RAD51B: variants seen among roughly 807,000 people sequenced by gnomAD.
The protein encoded by RAD51B is RAD51 paralog B, also known as DNA repair protein RAD51 homolog 2.
A neutral mutation model predicts 42.2 loss-of-function variants in RAD51B; 38 were observed. That is an observed-to-expected ratio of 0.90 (90% CI 0.70 to 1.18). The LOEUF is 1.18. Among genes scored for constraint, RAD51B ranks in the 50% most tolerant of loss-of-function variants. The probability of loss-of-function intolerance (pLI) is 0.00; values close to 1 mark genes in which losing one functional copy is unlikely to be tolerated. For missense variants in RAD51B, 373 were observed against 400.7 expected, an observed-to-expected ratio of 0.93 and a Z score of 0.59; for synonymous variants, 154 against 145.2, an observed-to-expected ratio of 1.06 and a Z score of -0.43.
chr14:68,027,255 C>T (rs1185136223), intron 7 of RAD51B, among the ~76,000 whole-genome samples: 4 of 152,106 alleles, frequency 2.6e-5, no homozygotes, highest in Non-Finnish European at 5.9e-5. Context: ...TGACCCTTCT[C>T]TCTAGCTGCC....
chr14:68,275,794 CCACACACACACACA>C (rs10641411), intron 7 of RAD51B, among the ~76,000 whole-genome samples: 123 of 141,362 alleles, frequency 8.7e-4, no homozygotes, highest in Non-Finnish European at 1.0e-3. Context: ...AACTAGCTCT[CCACACACACACACA>C]CACACACACA....
At chr14:68,594,789 A>G in exon 11 of RAD51B, 1 of 1,241,654 alleles carries the variant, frequency 8.1e-7, no homozygotes, top group Non-Finnish European at 1.0e-6. Flanking sequence ...TAGGGCCACA[A>G]GAATGAGAAA....
chr14:67,831,241 A>G (rs1291701040), intron 3 of RAD51B, among the ~76,000 whole-genome samples: 1 of 152,178 alleles, frequency 6.6e-6, no homozygotes, highest in East Asian at 1.9e-4. Context: ...AGTTAAATAT[A>G]TGGACCTGGA....
At chr14:68,536,926 A>G (rs1279952777) in intron 10 of RAD51B, among the ~76,000 whole-genome samples, 1 of 151,094 alleles carries the variant, frequency 6.6e-6, no homozygotes, top group Admixed American at 6.6e-5. Flanking sequence ...AAAAAAATTG[A>G]AAAAATTAGC....
rs922834933 is a variant in RAD51B, at chr14:67,910,392, C to T, written c.756+23188C>T. Among the ~76,000 whole-genome samples the T allele has an allele frequency of 6.5e-5, 3 of 45,982 alleles. 1 individual carries two copies. The highest frequency in any genetic ancestry group is 9.7e-5 in the Non-Finnish European group (3 of 30,956). 30.2% of individuals were successfully genotyped at this position (45,982 alleles called of 152,430 possible). On this transcript the variant is annotated intron_variant, in intron 7 of 10. Transcript: ENST00000471583. ...CTGCACTCCAGCCTGGGCGACAGAGCGAGACTCTGTCTCAAAAAAAAAAAA... is the reference window on the plus strand; with the variant it reads ...CTGCACTCCAGCCTGGGCGACAGAGTGAGACTCTGTCTCAAAAAAAAAAAA...
chr14:68,205,023 A>C lies in RAD51B; in HGVS notation c.757-86861A>C, dbSNP rs114937421. Among the ~76,000 whole-genome samples, 1,349 of 152,342 alleles carry C rather than the reference A, an allele frequency of 8.9e-3. 26 individuals are homozygous for C. The highest frequency in any genetic ancestry group is 0.031 in the African/African-American group (1,299 of 41,582). ...ACTTATGACAATAAAAAAATCAGAC[A>C]GGATACATAATGAGTTGTTAGCAGT... is the stretch of plus-strand genomic sequence containing the variant. On this transcript the variant is annotated intron_variant, in intron 7 of 10. Transcript: ENST00000471583.
intron 7 of RAD51B, among the ~76,000 whole-genome samples, chr14:67,901,660 A>G (rs926191790): frequency 6.6e-6 from 1 of 152,222 alleles, no homozygotes; most frequent in African/African-American, 2.4e-5. Context: ...AGTAACAAAG[A>G]TATGGAATCA....
At chr14:68,634,466 G>A (rs1427559857) in intron 10 of RAD51B, among the ~76,000 whole-genome samples, 2 of 152,100 alleles carry the variant, frequency 1.3e-5, no homozygotes, top group African/African-American at 2.4e-5. Flanking sequence ...AGGAGAGAAC[G>A]TGCTCAAAAG....
chr14:68,102,791 A>T (rs1021571038), intron 7 of RAD51B, among the ~76,000 whole-genome samples: 1 of 151,714 alleles, frequency 6.6e-6, no homozygotes, highest in Non-Finnish European at 1.5e-5. Context: ...ACCCCACTCT[A>T]CTGGTACCAG....
rs556156256 is a variant in RAD51B at position 68,648,095 on chromosome 14, A to G, written c.1037-2686A>G. Among the ~76,000 whole-genome samples, 108 of 29,008 alleles carry G rather than the reference A, an allele frequency of 3.7e-3. 3 individuals carry two copies. The highest frequency in any genetic ancestry group is 0.012 in the African/African-American group (103 of 8,614). The allele number at this position is 29,008 out of a possible 152,430, so 19.0% of individuals were successfully genotyped here. On this transcript the variant is annotated intron_variant, in intron 10 of 11. Coordinates refer to the RAD51B transcript ENST00000488612. ...TATACACGTATATATACGTGTGTGTATATATATATACACACACGTATATAT... is the reference window on the plus strand; with the variant it reads ...TATACACGTATATATACGTGTGTGTGTATATATATACACACACGTATATAT...
chr14:68,041,353 C>G (rs80079314), intron 7 of RAD51B, among the ~76,000 whole-genome samples: 6 of 152,132 alleles, frequency 3.9e-5, no homozygotes, highest in African/African-American at 1.4e-4. Context: ...CTAATACAGT[C>G]TCCTTGTCTC....
intron 7 of RAD51B, among the ~76,000 whole-genome samples, chr14:68,251,369 G>A (rs969805090): frequency 1.3e-5 from 2 of 152,146 alleles, no homozygotes; most frequent in African/African-American, 2.4e-5. Flanking sequence ...GGTGAAAAGA[G>A]CCAAGCGTGT....
intron 5 of RAD51B, among the ~76,000 whole-genome samples, chr14:67,874,422 A>T (rs978134112): frequency 4.2e-4 from 63 of 149,320 alleles, no homozygotes; most frequent in African/African-American, 1.5e-3. Flanking sequence ...TTTTTTTGTG[A>T]TTTTTTTTTT....
intron 10 of RAD51B, among the ~76,000 whole-genome samples, chr14:68,524,934 G>T (rs1194055788): frequency 6.6e-6 from 1 of 152,200 alleles, no homozygotes; most frequent in African/African-American, 2.4e-5. Context: ...TCCATCTGTG[G>T]CCTGTGATAG....
intron 7 of RAD51B, among the ~76,000 whole-genome samples, chr14:68,096,904 A>G (rs1374914860): frequency 8.5e-5 from 13 of 152,198 alleles, no homozygotes; most frequent in Non-Finnish European, 2.9e-5. Context: ...TCAGTAATGA[A>G]TGAATTGTCA....
chr14:68,669,168 A>T (rs548130102), intron 11 of RAD51B, among the ~76,000 whole-genome samples: 91 of 152,354 alleles, frequency 6.0e-4, no homozygotes, highest in Non-Finnish European at 1.0e-3. Context: ...AGACTGTTGG[A>T]AACAGTGGCC....
At chr14:67,926,684 C>G (rs368812455) in intron 7 of RAD51B, among the ~76,000 whole-genome samples, 1 of 151,506 alleles carries the variant, frequency 6.6e-6, no homozygotes, top group South Asian at 2.1e-4. Context: ...CTGCCTCAGC[C>G]TCCCAAGTAG....
intron 7 of RAD51B, among the ~76,000 whole-genome samples, chr14:68,090,292 G>C (rs2077068784): frequency 6.6e-6 from 1 of 152,088 alleles, no homozygotes; most frequent in Non-Finnish European, 1.5e-5. Flanking sequence ...ATAAAAATAG[G>C]GATCTTTTGG....
chr14:68,175,277 A>G (rs2140868777), intron 7 of RAD51B, among the ~76,000 whole-genome samples: 1 of 152,338 alleles, frequency 6.6e-6, no homozygotes, highest in African/African-American at 2.4e-5. Flanking sequence ...TATGTTTATA[A>G]AAGAAATAAA....
Sources: allele counts gnomAD v4.1 joint callset (sites outside exome capture counted in the v4.1 genomes callset), GRCh38; gene constraint gnomAD v4.1.1; transcripts MANE v1.5; gene names NCBI Gene and HGNC (gene_info 2026-07-23, HGNC 2026-07-21).